The following HIVEP3 variants were observed in gnomAD, a reference collection of about 807,000 sequenced individuals.
The protein encoded by HIVEP3 is HIVEP zinc finger 3, also known as transcription factor HIVEP3.
Under a neutral mutation model 152.8 loss-of-function variants are expected in HIVEP3, and 49 were observed. That is an observed-to-expected ratio of 0.32 (90% CI 0.26 to 0.41). The LOEUF is 0.41. Among genes scored for constraint, HIVEP3 ranks in the 10% least tolerant of loss-of-function variants. HIVEP3 has a pLI of 1.00. For synonymous variants in HIVEP3, 1,269 were observed against 1,289.0 expected (o/e 0.98, Z 0.33); for missense variants, 2,790 against 3,103.3 (o/e 0.90, Z 2.40).
At chr1:41,726,622 G>T (rs1297089818) in intron 1 of HIVEP3, among the ~76,000 whole-genome samples, 1 of 152,162 alleles carries the variant, frequency 6.6e-6, no homozygotes, top group African/African-American at 2.4e-5. Context: ...ACTGCTCTGG[G>T]ATACTGGGAC....
intron 1 of HIVEP3, among the ~76,000 whole-genome samples, chr1:41,863,426 G>A (rs796418582): frequency 2.0e-5 from 3 of 152,186 alleles, no homozygotes; most frequent in Non-Finnish European, 2.9e-5. Context: ...TCTGAACTCC[G>A]GCTCAAAAAT....
chr1:41,853,915 T>G (rs77413474), intron 1 of HIVEP3, among the ~76,000 whole-genome samples: 1 of 152,246 alleles, frequency 6.6e-6, no homozygotes, highest in Admixed American at 6.5e-5. Flanking sequence ...TGATGATGAA[T>G]GTGTGAGCTC....
At chr1:41,653,967 A>C (rs1346569540) in intron 2 of HIVEP3, among the ~76,000 whole-genome samples, 2 of 150,404 alleles carry the variant, frequency 1.3e-5, no homozygotes, top group Middle Eastern at 3.2e-3. Context: ...AAAAAAAAAA[A>C]AAAAAAAAAA....
At chr1:41,512,432 C>T (rs1430262004) in intron 8 of HIVEP3, among the ~76,000 whole-genome samples, 2 of 152,218 alleles carry the variant, frequency 1.3e-5, no homozygotes, top group African/African-American at 4.8e-5. Flanking sequence ...AGAAGCCGAG[C>T]AGATGCTGGC....
At chr1:41,810,641 C>A (rs960640120) in intron 1 of HIVEP3, among the ~76,000 whole-genome samples, 4 of 152,178 alleles carry the variant, frequency 2.6e-5, no homozygotes, top group African/African-American at 9.7e-5. Context: ...CCCTTTGGAA[C>A]CCCTTGGAGC....
chr1:41,826,679 C>T (rs1031735904), intron 1 of HIVEP3, among the ~76,000 whole-genome samples: 5 of 152,182 alleles, frequency 3.3e-5, no homozygotes, highest in Non-Finnish European at 7.3e-5. Context: ...TTTGAAGGAG[C>T]CCCTGGGAAC....
chr1:41,612,439 C>A (rs145690210), intron 3 of HIVEP3, among the ~76,000 whole-genome samples: 63 of 152,326 alleles, frequency 4.1e-4, no homozygotes, highest in Non-Finnish European at 7.1e-4. Flanking sequence ...GCTCCAACTG[C>A]CCCCTAAGAC....
chr1:41,526,420 TCA>T (rs1316207706), intron 5 of HIVEP3, among the ~76,000 whole-genome samples: 3 of 83,522 alleles, frequency 3.6e-5, no homozygotes, highest in African/African-American at 4.9e-5. Flanking sequence ...ACACTCACCC[TCA>T]CACTCACCCT....
chr1:41,524,693 C>CT lies in HIVEP3; in HGVS notation c.5383+41dup, dbSNP rs748227876. Reference sequence around the variant, plus strand: ...GCTGGGACTCCCAGAGGGGAGCTCCCTGCAGCGGGCAGGGGCAGTGCCCCA... The same window carrying CT: ...GCTGGGACTCCCAGAGGGGAGCTCCCTTGCAGCGGGCAGGGGCAGTGCCCCA... On this transcript the variant is annotated intron_variant, in intron 6 of 8. Coordinates refer to ENST00000372583, the MANE Select transcript of HIVEP3 (RefSeq NM_024503.5). 15 of 1,585,950 alleles carry CT rather than the reference C, an allele frequency of 9.5e-6. No homozygotes were observed. In the African/African-American group the frequency reaches 1.2e-4, roughly 13 times the overall value.
At chr1:41,660,178 C>T (rs1645691946) in intron 2 of HIVEP3, among the ~76,000 whole-genome samples, 1 of 152,072 alleles carries the variant, frequency 6.6e-6, no homozygotes. Flanking sequence ...TGTAAGAGTG[C>T]ACACACGTGT....
At chr1:41,909,748 TCAAA>T (rs1327414331) in intron 1 of HIVEP3, among the ~76,000 whole-genome samples, 1 of 152,056 alleles carries the variant, frequency 6.6e-6, no homozygotes, top group Non-Finnish European at 1.5e-5. Flanking sequence ...TGGGTAGCAC[TCAAA>T]CAATATTTGA....
At chr1:41,678,284 T>C (rs1472263656) in intron 2 of HIVEP3, among the ~76,000 whole-genome samples, 4 of 152,098 alleles carry the variant, frequency 2.6e-5, no homozygotes, top group African/African-American at 9.7e-5. Flanking sequence ...GCCCCTCCAT[T>C]GGGAGCCTGA....
At chr1:41,832,630 C>T (rs1642997246) in intron 1 of HIVEP3, among the ~76,000 whole-genome samples, 4 of 152,202 alleles carry the variant, frequency 2.6e-5, no homozygotes, top group Admixed American at 2.0e-4. Context: ...GTCTTTTTCC[C>T]TCTAGGATGT....
chr1:41,583,610 G>A lies in HIVEP3; in HGVS notation c.1188C>T (p.Arg396=). Residue 396 remains arginine (R), a synonymous_variant, in exon 4 of 9, where the codon CGC becomes CGT. Coordinates refer to ENST00000372583, the MANE Select transcript of HIVEP3 (RefSeq NM_024503.5). The surrounding 1 kb of genome is among the most constrained non-coding windows in gnomAD (Gnocchi z 6.9). ...KGSTESGYFS[R]SESAEQQVSP... The stretch of plus-strand genomic sequence containing the variant: ...TGACCTGCTGCTCTGCACTCTCGGA[G>A]CGAGAGAAATACCCAGACTCAGTAC... The A allele has an allele frequency of 2.5e-6, 4 of 1,614,178 alleles. No homozygotes were observed. Among genetic ancestry groups the A allele is most frequent in the Non-Finnish European group, 3.4e-6 (4 of 1,180,026 alleles).
At chr1:41,795,636 CTTAT>C (rs757725981) in intron 1 of HIVEP3, among the ~76,000 whole-genome samples, 11 of 152,060 alleles carry the variant, frequency 7.2e-5, no homozygotes, top group Non-Finnish European at 1.2e-4. Flanking sequence ...ACTTTCTTCC[CTTAT>C]TTATTTATTT....
intron 1 of HIVEP3, among the ~76,000 whole-genome samples, chr1:41,888,468 G>GAGA (rs1221395762): frequency 6.6e-6 from 1 of 151,846 alleles, no homozygotes; most frequent in African/African-American, 2.4e-5. Flanking sequence ...GGAGGAGAAA[G>GAGA]GAAGGCCTAT....
chr1:41,676,162 C>T (rs535854895), intron 2 of HIVEP3, among the ~76,000 whole-genome samples: 2 of 152,298 alleles, frequency 1.3e-5, no homozygotes, highest in African/African-American at 4.8e-5. Flanking sequence ...ACTGATTCTC[C>T]TGCCTTAACC....
chr1:41,948,863 A>G (rs982975294), intron 1 of HIVEP3, among the ~76,000 whole-genome samples: 4 of 152,108 alleles, frequency 2.6e-5, no homozygotes, highest in Non-Finnish European at 4.4e-5. Flanking sequence ...CAGGGCCTGT[A>G]AAGTGTGCCA....
At position 41,713,426 on chromosome 1, in the gene HIVEP3, C is replaced by T. The variant is rs551838806; in HGVS notation, c.-800-12431G>A. 1.1e-4 allele frequency among the ~76,000 whole-genome samples: 17 copies of T among 152,292 alleles called. No individual in the cohort carries two copies. In the South Asian group the frequency reaches 2.5e-3, roughly 22 times the overall value. On this transcript the variant is annotated intron_variant, in intron 1 of 8. Coordinates refer to ENST00000372583, the MANE Select transcript of HIVEP3 (RefSeq NM_024503.5). ...TGTTCTTCCAAGTAGCTTTCAGCCA[C>T]GAAAGTTTAACTTGGAGAATAATGG...
Sources: gnomAD v4.1 joint callset for allele counts (sites outside exome capture counted in the v4.1 genomes callset) on GRCh38, gnomAD v4.1.1 for gene constraint, Gnocchi (gnomAD v3.1) non-coding constraint, MANE v1.5 for transcripts, NCBI Gene and HGNC (gene_info 2026-07-23, HGNC 2026-07-21) for gene names.